The following SLC38A10 variants were observed in gnomAD, a reference collection of about 807,000 sequenced individuals.
SLC38A10 encodes Sodium-coupled neutral amino acid transporter 10.
Under a neutral mutation model 81.0 loss-of-function variants are expected in SLC38A10, and 53 were observed. That is an observed-to-expected ratio of 0.65 (90% confidence interval 0.53 to 0.82). The LOEUF (loss-of-function observed/expected upper bound fraction) is 0.82. SLC38A10 is among the 40% of genes least tolerant of loss of function. SLC38A10 has a pLI of 0.00. For missense variants in SLC38A10, 1,471 were observed against 1,545.0 expected (o/e 0.95, Z 0.80); for synonymous variants, 665 against 655.3 (o/e 1.01, Z -0.23).
chr17:81,270,469 G>A lies in SLC38A10; in HGVS notation c.1131+449C>T, dbSNP rs1407073473. On this transcript the variant is annotated intron_variant, in intron 10 of 15. Transcript: ENST00000374759. The surrounding 1 kb of genome is among the most constrained non-coding windows in gnomAD (Gnocchi z 4.0). ...AGCAACCTGACCTGCACAGGGTTTT[G>A]AGCAAAAGCAGCAGGAAGCTGTGTT... Among the ~76,000 whole-genome samples, 1 of 152,166 alleles carries A rather than the reference G, an allele frequency of 6.6e-6. No individual in the cohort carries two copies. The highest frequency in any genetic ancestry group is 2.4e-5 in the African/African-American group (1 of 41,442).
At chr17:81,248,331 C>T (rs1350437493) in intron 14 of SLC38A10, among the ~76,000 whole-genome samples, 2 of 152,198 alleles carry the variant, frequency 1.3e-5, no homozygotes, top group African/African-American at 4.8e-5. Context: ...AACCACCGCT[C>T]CTGAACACCA....
intron 11 of SLC38A10, among the ~76,000 whole-genome samples, chr17:81,257,327 C>T (rs1598385184): frequency 6.6e-6 from 1 of 152,308 alleles, no homozygotes; most frequent in African/African-American, 2.4e-5. Flanking sequence ...AACTCCTGAC[C>T]TCAGGTGATC....
At chr17:81,280,821 G>A in intron 5 of SLC38A10, 88 bp from the exon 6 acceptor site, 1 of 1,503,708 alleles carries the variant, frequency 6.7e-7, no homozygotes, top group Non-Finnish European at 8.9e-7. Context: ...AGGAAGGAGT[G>A]GCAGGAGAGT....
chr17:81,245,513 C>A lies in SLC38A10; in HGVS notation c.*43G>T. 1 of 1,539,932 alleles carries A rather than the reference C, an allele frequency of 6.5e-7. No individual in the cohort carries two copies. Among genetic ancestry groups the A allele is most frequent in the Non-Finnish European group, 8.8e-7 (1 of 1,142,546 alleles). The stretch of plus-strand genomic sequence containing the variant: ...CGGCTGAGACAGACCTGCTGCTGGC[C>A]GAGGAGGGCAGTGGCTGGCGTGGCC... On this transcript the variant is annotated 3_prime_UTR_variant, in exon 16 of 16. Transcript: ENST00000374759.
chr17:81,261,292 C>G (rs963203916), intron 10 of SLC38A10, among the ~76,000 whole-genome samples: 3 of 152,254 alleles, frequency 2.0e-5, no homozygotes, highest in African/African-American at 7.2e-5. Context: ...CCACTCCTCC[C>G]CAGTCATTCA....
At position 81,253,760 on chromosome 17, in the gene SLC38A10, CCGT is replaced by C. The variant is rs1347319108; in HGVS notation, c.1289-523_1289-521del. Among the ~76,000 whole-genome samples, 24 of 95,466 alleles carry C rather than the reference CCGT, an allele frequency of 2.5e-4. 1 individual carries two copies. Among genetic ancestry groups the C allele is most frequent in the African/African-American group, 1.1e-3 (24 of 21,828 alleles). The allele number at this position is 95,466 out of a possible 152,430, so 62.6% of individuals were successfully genotyped here. On this transcript the variant is annotated intron_variant, in intron 11 of 15. Transcript: ENST00000374759. This position sits in a 1 kb window ranked among gnomAD's most constrained non-coding sequence, Gnocchi z 4.1. ...CCTACCACCATCACCATCATCATCA[CCGT>C]CACCATCATCACCATCTCCATCCCT... is the stretch of plus-strand genomic sequence containing the variant.
chr17:81,251,542 C>G lies in SLC38A10; in HGVS notation c.2016G>C (p.Gln672His), dbSNP rs935601767. Residue 672 changes from glutamine (Q) to histidine (H), a missense_variant, in exon 14 of 16, where the codon CAG becomes CAC. Around this residue, in one of 2 missense-constraint regions of SLC38A10, gnomAD observed 751 missense variants for 717.4 expected, o/e 1.05. Transcript: ENST00000374759. The stretch of plus-strand genomic sequence containing the variant: ...TTCCACCCGCTCGCTCCACGTCCCT[C>G]TGCTCGCGAGGCTCGGGCGGCAGCC... The part of the protein sequence containing the change: ...GPGLPPEPRE[Q>H]RDVERAGGNQ... 1.1e-5 allele frequency: 17 copies of G among 1,546,436 alleles called. No individual in the cohort carries two copies. The highest frequency in any genetic ancestry group is 2.2e-4 in the Middle Eastern group (1 of 4,456).
In SLC38A10 at chr17:81,265,830, C is replaced by A. The variant is rs529176827; in HGVS notation, c.1131+5088G>T. Among the ~76,000 whole-genome samples, 76 of 152,306 alleles carry A rather than the reference C, an allele frequency of 5.0e-4. No individual in the cohort carries two copies. The highest frequency in any genetic ancestry group is 9.0e-4 in the Non-Finnish European group (61 of 68,016). Reference sequence around the variant, plus strand: ...GGCACACGGTGGTCCGCTGGCCCCACGACCTACTGCGGAGCCGTAGGAGCG... The same window carrying A: ...GGCACACGGTGGTCCGCTGGCCCCAAGACCTACTGCGGAGCCGTAGGAGCG... On this transcript the variant is annotated intron_variant, in intron 10 of 15. Transcript: ENST00000374759. The surrounding 1 kb of genome is among the most constrained non-coding windows in gnomAD (Gnocchi z 4.2).
chr17:81,248,576 T>C (rs1323578508), intron 14 of SLC38A10, among the ~76,000 whole-genome samples: 1 of 152,264 alleles, frequency 6.6e-6, no homozygotes, highest in Non-Finnish European at 1.5e-5. Flanking sequence ...TATAGGAAGC[T>C]TTGAAAAATG....
intron 6 of SLC38A10, chr17:81,280,195 A>G (rs1379046433): frequency 1.3e-5 from 6 of 445,910 alleles, no homozygotes; most frequent in Admixed American, 7.1e-5. Flanking sequence ...TCGCGCGCAC[A>G]TGCAGGCCTC....
At position 81,276,512 on chromosome 17, in the gene SLC38A10, C is replaced by T. The variant is rs964997751; in HGVS notation, c.730-361G>A. ...GTTCAAGCAATTCTCCTGCCTCAGCCTCCCGAGTAGCCGGGTTTACATGCA... is the reference window on the plus strand; with the variant it reads ...GTTCAAGCAATTCTCCTGCCTCAGCTTCCCGAGTAGCCGGGTTTACATGCA... On this transcript the variant is annotated intron_variant, in intron 7 of 15. Transcript: ENST00000374759. The surrounding 1 kb of genome is among the most constrained non-coding windows in gnomAD (Gnocchi z 4.7). 6.6e-6 allele frequency among the ~76,000 whole-genome samples: 1 copy of T among 152,016 alleles called. No homozygotes were observed. Among genetic ancestry groups the T allele is most frequent in the Non-Finnish European group, 1.5e-5 (1 of 67,992 alleles).
Position 81,289,829 on chromosome 17 carries a change from C to A in SLC38A10, c.100-21G>T. The A allele has an allele frequency of 1.3e-6, 2 of 1,558,394 alleles. No individual in the cohort carries two copies. The highest frequency in any genetic ancestry group is 1.7e-6 in the Non-Finnish European group (2 of 1,151,870). ...CCGCACTGCAGGGTGGAGACAGGAA[C>A]ACATGTTCACAGCAGCAGGTGCTCC... On this transcript the variant is annotated intron_variant, in intron 1 of 15. Transcript: ENST00000374759. The surrounding 1 kb of genome is among the most constrained non-coding windows in gnomAD (Gnocchi z 5.9).
chr17:81,284,792 G>T, intron 3 of SLC38A10, 58 bp downstream of exon 3: 1 of 1,388,354 alleles, frequency 7.2e-7, no homozygotes, highest in East Asian at 2.8e-5. Context: ...CACCGGGAGG[G>T]TCCCCAGTGT....
chr17:81,246,574 A>G lies in SLC38A10; in HGVS notation c.2342T>C (p.Leu781Ser). 2 of 1,517,722 alleles carry G rather than the reference A, an allele frequency of 1.3e-6. No homozygotes were observed. Among genetic ancestry groups the G allele is most frequent in the Non-Finnish European group, 1.8e-6 (2 of 1,135,094 alleles). The allele number at this position is 1,517,722 out of a possible 1,614,324, so 94.0% of individuals were successfully genotyped here. A position where few individuals can be genotyped will look rare whatever the true frequency, so the allele number is the denominator to read the frequency against. ...ETVENLPPLP[L>S]DPVLRAPGGR... Reference sequence around the variant, plus strand: ...CCCAGGAGCTCTGAGGACAGGGTCCAAAGGCAGGGGAGGCAGATTCTCCAC... The same window carrying G: ...CCCAGGAGCTCTGAGGACAGGGTCCGAAGGCAGGGGAGGCAGATTCTCCAC... The change falls in exon 16 of 16, where the codon TTG becomes TCG. Residue 781 changes from leucine to serine, a missense_variant. Physicochemically the swap from Leu to Ser is moderately radical, Grantham distance 145 (BLOSUM62 -2). This residue lies in a region of SLC38A10 where 751 missense variants were observed against 717.4 expected (regional missense o/e 1.05). Coordinates refer to ENST00000374759, the MANE Select transcript of SLC38A10 (RefSeq NM_001037984.3).
In SLC38A10 at chr17:81,246,051, C is replaced by A. The variant is rs765202984; in HGVS notation, c.2865G>T (p.Val955=). 16 of 1,609,976 alleles carry A rather than the reference C, an allele frequency of 9.9e-6. No homozygotes were observed. In the South Asian group the frequency reaches 1.8e-4, roughly 18 times the overall value. ...AEGAAAQPQA[V]LRQPELRVIS... ...TGACCCGCAGTTCCGGCTGGCGTAACACAGCCTGGGGCTGTGCAGCTGCTC... is the reference window on the plus strand; with the variant it reads ...TGACCCGCAGTTCCGGCTGGCGTAAAACAGCCTGGGGCTGTGCAGCTGCTC... Residue 955 remains valine, a synonymous_variant, in exon 16 of 16, where the codon GTG becomes GTT. Coordinates refer to ENST00000374759, the MANE Select transcript of SLC38A10 (RefSeq NM_001037984.3).
intron 13 of SLC38A10, 104 bp downstream of exon 13, chr17:81,252,091 G>T (rs548977952): frequency 1.4e-6 from 2 of 1,439,068 alleles, no homozygotes; most frequent in South Asian, 1.4e-5. Context: ...TGCAGGGAGA[G>T]AGACTGGGGA....
rs188517858 is a variant in SLC38A10 at position 81,262,079 on chromosome 17, G to A, written c.1132-1685C>T. The stretch of plus-strand genomic sequence containing the variant: ...AGCAGTCTTAAGATAATAAAAAGAG[G>A]AAGAAACCGGAACTCTCGCGAGGCT... On this transcript the variant is annotated intron_variant, in intron 10 of 15. Coordinates refer to ENST00000374759, the MANE Select transcript of SLC38A10 (RefSeq NM_001037984.3). Among the ~76,000 whole-genome samples the A allele has an allele frequency of 1.7e-4, 26 of 152,368 alleles. No homozygotes were observed. The East Asian group carries it at 3.9e-3, about 23-fold the overall frequency.
intron 1 of SLC38A10, among the ~76,000 whole-genome samples, chr17:81,290,930 A>G (rs1197021743): frequency 6.6e-6 from 1 of 151,634 alleles, no homozygotes; most frequent in Non-Finnish European, 1.5e-5. Flanking sequence ...CACTTGAACC[A>G]GGGAGTCAGA....
chr17:81,250,861 G>A, intron 14 of SLC38A10: 1 of 1,044,312 alleles, frequency 9.6e-7, no homozygotes, highest in Non-Finnish European at 1.2e-6. Flanking sequence ...AGACCCAAGG[G>A]GCGAGAAGTT....
Sources: allele counts gnomAD v4.1 joint callset (sites outside exome capture counted in the v4.1 genomes callset), GRCh38; gene constraint gnomAD v4.1.1; regional missense constraint gnomAD v4.1.1; non-coding constraint Gnocchi (gnomAD v3.1); transcripts MANE v1.5; gene names NCBI Gene and HGNC (gene_info 2026-07-23, HGNC 2026-07-21).